Variants in NQO1 observed in about 807,000 individuals in gnomAD.
The protein encoded by NQO1 is NAD(P)H dehydrogenase [quinone] 1.
NQO1 carries 30 observed loss-of-function variants against 32.1 expected under a neutral mutation model. The ratio of observed to expected loss-of-function variants is 0.94; its 90% CI spans 0.70 to 1.27. The LOEUF (loss-of-function observed/expected upper bound fraction) is 1.27. Among genes scored for constraint, NQO1 ranks in the 50% most tolerant of loss-of-function variants. The probability of loss-of-function intolerance (pLI) is 0.00; values close to 1 mark genes in which losing one functional copy is unlikely to be tolerated. For synonymous variants in NQO1, 109 were observed against 119.7 expected (o/e 0.91, Z 0.59); for missense variants, 276 against 331.3 (o/e 0.83, Z 1.30).
chr16:69,713,921 C>G (rs369777858), intron 4 of NQO1, among the ~76,000 whole-genome samples: 13,229 of 111,654 alleles, frequency 0.12, 2,070 homozygotes, highest in East Asian at 0.33. Flanking sequence ...TGTCACCCAG[C>G]CTGGAGTGCA....
At position 69,709,642 on chromosome 16, in the gene NQO1, A is replaced by C. The variant is rs1003069268; in HGVS notation, c.*1334T>G. ...AGTAAGAGGCTGTCTCCCATTTTTCAGGCAACCTTTTCATCATTTCTCATC... is the reference window on the plus strand; with the variant it reads ...AGTAAGAGGCTGTCTCCCATTTTTCCGGCAACCTTTTCATCATTTCTCATC... On this transcript the variant is annotated 3_prime_UTR_variant, in exon 6 of 6. Coordinates refer to ENST00000320623, the MANE Select transcript of NQO1 (RefSeq NM_000903.3). 3 of 395,186 alleles carry C rather than the reference A, an allele frequency of 7.6e-6. No individual in the cohort carries two copies. The highest frequency in any genetic ancestry group is 4.4e-5 in the Admixed American group (1 of 22,630). 24.5% of individuals were successfully genotyped at this position (395,186 alleles called of 1,614,324 possible). A position where few individuals can be genotyped will look rare whatever the true frequency, so the allele number is the denominator to read the frequency against.
intron 1 of NQO1, among the ~76,000 whole-genome samples, chr16:69,723,705 G>A (rs1303614939): frequency 6.6e-6 from 1 of 151,932 alleles, no homozygotes; most frequent in Non-Finnish European, 1.5e-5. Flanking sequence ...GGGAGGCTGA[G>A]GCAGGAGAAT....
At position 69,722,554 on chromosome 16, in the gene NQO1, A is replaced by C. The variant is rs116822521; in HGVS notation, c.7+3879T>G. ...AACCTTAAGCTCTCTTCCTGCTTTT[A>C]TTATTGACCACATCTAGCAAGGCAA... On this transcript the variant is annotated intron_variant, in intron 1 of 5. Coordinates refer to ENST00000320623, the MANE Select transcript of NQO1 (RefSeq NM_000903.3). Among the ~76,000 whole-genome samples the C allele has an allele frequency of 5.6e-3, 858 of 152,330 alleles. 7 individuals carry two copies. Among genetic ancestry groups the C allele is most frequent in the African/African-American group, 0.019 (805 of 41,586 alleles).
rs34447156 is a variant in NQO1, at chr16:69,710,994, C to G, written c.807G>C (p.Gln269His). The G allele has an allele frequency of 9.0e-4, 1,456 of 1,612,638 alleles. 10 individuals carry two copies. The African/African-American group carries it at 0.013, about 14-fold the overall frequency. The change falls in exon 6 of 6, where the codon CAG becomes CAC. Residue 269 changes from glutamine (Q) to histidine (H), a missense_variant. Physicochemically the swap from Gln to His is conservative, Grantham distance 24 (BLOSUM62 0). Transcript: ENST00000320623. ...AGGAATCTCATTTTCTAGCTTTGAT[C>G]TGGTTGTCAGTTGGGATGGACTTGC... ...HLGKSIPTDN[Q>H]IKARK
chr16:69,716,180 A>ATC (rs2038109899), intron 3 of NQO1, among the ~76,000 whole-genome samples: 1 of 136,550 alleles, frequency 7.3e-6, no homozygotes, highest in Admixed American at 7.7e-5. Flanking sequence ...TAATAATAAT[A>ATC]ATAATAATAA....
At chr16:69,717,253 C>T (rs552529728) in intron 3 of NQO1, among the ~76,000 whole-genome samples, 39 of 152,252 alleles carry the variant, frequency 2.6e-4, no homozygotes, top group East Asian at 1.9e-4. Flanking sequence ...ACGAGATGCA[C>T]GCACAATCCC....
At chr16:69,714,031 G>A (rs927139003) in intron 4 of NQO1, among the ~76,000 whole-genome samples, 8 of 151,678 alleles carry the variant, frequency 5.3e-5, no homozygotes, top group East Asian at 1.9e-4. Flanking sequence ...ACGTGCCACC[G>A]CACCCGGCTA....
rs1027349364 is a variant in NQO1, at chr16:69,710,607, T to G, written c.*369A>C. The G allele has an allele frequency of 5.6e-5, 11 of 197,332 alleles. No individual in the cohort carries two copies. Among genetic ancestry groups the G allele is most frequent in the African/African-American group, 2.1e-4 (9 of 42,492 alleles). The allele number at this position is 197,332 out of a possible 1,614,324, so 12.2% of individuals were successfully genotyped here. A position where few individuals can be genotyped will look rare whatever the true frequency, so the allele number is the denominator to read the frequency against. ...TGAGCAATTCCCTTCTGCCATAAAC[T>G]ACAGAGAGGTGATTAATAGAACATT... On this transcript the variant is annotated 3_prime_UTR_variant, in exon 6 of 6. Coordinates refer to ENST00000320623, the MANE Select transcript of NQO1 (RefSeq NM_000903.3).
intron 3 of NQO1, among the ~76,000 whole-genome samples, chr16:69,716,934 G>A (rs190505682): frequency 2.6e-4 from 40 of 152,240 alleles, no homozygotes; most frequent in Admixed American, 8.5e-4. Context: ...CTGGGTGACC[G>A]TGAGACCTTG....
chr16:69,726,334 T>C, intron 1 of NQO1, 99 bp downstream of exon 1: 1 of 1,519,910 alleles, frequency 6.6e-7, no homozygotes, highest in Non-Finnish European at 8.9e-7. Context: ...GGGTTTTGAG[T>C]CAAGGAACAA....
Position 69,718,359 on chromosome 16 carries a change from A to T in NQO1, c.172+11T>A, listed in dbSNP as rs757520841. 1 of 1,612,980 alleles carries T rather than the reference A, an allele frequency of 6.2e-7. No individual in the cohort carries two copies. The highest frequency in any genetic ancestry group is 1.3e-5 in the African/African-American group (1 of 74,704). ...GAACTAATTAAAGAGGGGAGGAGGAACTCCTCCTACCTGTGATGTCCTTTC... is the reference window on the plus strand; with the variant it reads ...GAACTAATTAAAGAGGGGAGGAGGATCTCCTCCTACCTGTGATGTCCTTTC... On this transcript the variant is annotated intron_variant, in intron 2 of 5. Coordinates refer to ENST00000320623, the MANE Select transcript of NQO1 (RefSeq NM_000903.3).
At position 69,709,866 on chromosome 16, in the gene NQO1, T is replaced by C. The variant is rs2038013716; in HGVS notation, c.*1110A>G. ...CTGGACCCCATCCCATAGTAAGTCA[T>C]CAGTTTAGCAATGATAAAGAAAATA... is the stretch of plus-strand genomic sequence containing the variant. On this transcript the variant is annotated 3_prime_UTR_variant, in exon 6 of 6. Transcript: ENST00000320623. 2.5e-6 allele frequency: 1 copy of C among 398,458 alleles called. No homozygotes were observed. Among genetic ancestry groups the C allele is most frequent in the African/African-American group, 2.1e-5 (1 of 48,630 alleles). The allele number at this position is 398,458 out of a possible 1,614,324, so 24.7% of individuals were successfully genotyped here.
chr16:69,716,167 AAATAATAAT>A (rs751455910), intron 3 of NQO1, among the ~76,000 whole-genome samples: 2 of 148,640 alleles, frequency 1.3e-5, no homozygotes, highest in Non-Finnish European at 1.5e-5. Flanking sequence ...CTCCATCTCT[AAATAATAAT>A]AATAATAATA....
chr16:69,717,476 G>C (rs1187758271), intron 3 of NQO1, among the ~76,000 whole-genome samples: 1 of 151,620 alleles, frequency 6.6e-6, no homozygotes, highest in Non-Finnish European at 1.5e-5. Context: ...AACAGGAATC[G>C]CTAACCGCAG....
intron 1 of NQO1, among the ~76,000 whole-genome samples, chr16:69,721,981 C>T (rs547639407): frequency 6.6e-6 from 1 of 151,918 alleles, no homozygotes; most frequent in South Asian, 2.1e-4. Flanking sequence ...CCAGCCTGGG[C>T]GACAGTGAGA....
chr16:69,718,090 G>A (rs755414141), intron 3 of NQO1, 33 bp downstream of exon 3: 18 of 1,612,756 alleles, frequency 1.1e-5, no homozygotes, highest in Non-Finnish European at 1.4e-5. Context: ...GCACGCAAAT[G>A]TCCCTGACAC....
chr16:69,717,949 G>A, intron 3 of NQO1, 174 bp downstream of exon 3: 1 of 984,374 alleles, frequency 1.0e-6, no homozygotes, highest in South Asian at 1.6e-5. Flanking sequence ...AATACAGCCA[G>A]ATTCCCAATA....
intron 3 of NQO1, among the ~76,000 whole-genome samples, chr16:69,716,268 GT>G (rs2038112246): frequency 6.6e-6 from 1 of 151,766 alleles, no homozygotes; most frequent in East Asian, 1.9e-4. Context: ...GCCAAGGTGG[GT>G]GGATCACTTG....
Position 69,713,038 on chromosome 16 carries a change from C to T in NQO1, c.509G>A (p.Trp170Ter). Residue 170 changes from tryptophan to a stop codon, truncating the protein, a stop_gained, in exon 5 of 6, where the codon TGG becomes TAG. Coordinates refer to ENST00000320623, the MANE Select transcript of NQO1 (RefSeq NM_000903.3). LOFTEE classifies it high-confidence loss of function. ...GIHGDMNVIL[W>*]PIQSGILHFC... ...AAGAAAATGAGGTACCTGAATTGGCCAGAGAATGACATTCATGTCCCCGTG... is the reference window on the plus strand; with the variant it reads ...AAGAAAATGAGGTACCTGAATTGGCTAGAGAATGACATTCATGTCCCCGTG... The T allele has an allele frequency of 1.2e-6, 2 of 1,613,342 alleles. No homozygotes were observed. The highest frequency in any genetic ancestry group is 1.1e-5 in the South Asian group (1 of 91,014).
Sources: gnomAD v4.1 joint callset for allele counts (sites outside exome capture counted in the v4.1 genomes callset) on GRCh38, gnomAD v4.1.1 for gene constraint, MANE v1.5 for transcripts, NCBI Gene and HGNC (gene_info 2026-07-23, HGNC 2026-07-21) for gene names.